Variants in BRWD1 observed in about 807,000 individuals in gnomAD.
The protein encoded by BRWD1 is bromodomain and WD repeat-containing protein 1.
Under a neutral mutation model 251.2 loss-of-function variants are expected in BRWD1, and 82 were observed. The observed-to-expected ratio is 0.33, with a 90% CI of 0.27 to 0.39. BRWD1 has a LOEUF of 0.39. BRWD1 is among the 10% of genes least tolerant of loss of function. The pLI is 1.00. For synonymous variants in BRWD1, 918 were observed against 902.8 expected (o/e 1.02, Z -0.30); for missense variants, 2,233 against 2,711.6 (o/e 0.82, Z 3.92).
Position 39,221,047 on chromosome 21 carries a change from A to T in BRWD1, c.3383-2387T>A, listed in dbSNP as rs187730068. ...GCACACACCTGTAGTCCCAGCTACT[A>T]AACAGGCTGAGGCAAGAGAATCACT... On this transcript the variant is annotated intron_variant, in intron 29 of 40. Transcript: ENST00000342449. Among the ~76,000 whole-genome samples the T allele has an allele frequency of 2.1e-3, 321 of 151,830 alleles. 2 individuals carry two copies. The highest frequency in any genetic ancestry group is 7.4e-3 in the African/African-American group (306 of 41,424).
chr21:39,238,402 TGA>T, intron 22 of BRWD1, 75 bp downstream of exon 22: 1 of 1,227,734 alleles, frequency 8.1e-7, no homozygotes, highest in South Asian at 1.3e-5. Context: ...TCTTGCCTCT[TGA>T]ATAAAATTCA....
At position 39,189,351 on chromosome 21, in the gene BRWD1, A is replaced by C; in HGVS notation, c.*6908T>G. 1 of 985,244 alleles carries C rather than the reference A, an allele frequency of 1.0e-6. No individual in the cohort carries two copies. Among genetic ancestry groups the C allele is most frequent in the Non-Finnish European group, 1.2e-6 (1 of 829,738 alleles). The allele number at this position is 985,244 out of a possible 1,614,324, so 61.0% of individuals were successfully genotyped here. On this transcript the variant is annotated 3_prime_UTR_variant, in exon 41 of 41. Transcript: ENST00000342449. The stretch of plus-strand genomic sequence containing the variant: ...TTTGTAACAAAATGCTTTAAGTTGC[A>C]GAAATTCCATTTTGATGTGTGATCA...
intron 8 of BRWD1, among the ~76,000 whole-genome samples, chr21:39,290,575 T>C (rs148709342): frequency 6.6e-6 from 1 of 152,162 alleles, no homozygotes; most frequent in African/African-American, 2.4e-5. Flanking sequence ...GAGCCCCCGT[T>C]ACAAGAAGAA....
chr21:39,247,306 G>A (rs781140742), intron 21 of BRWD1, among the ~76,000 whole-genome samples: 4 of 152,190 alleles, frequency 2.6e-5, no homozygotes, highest in Non-Finnish European at 5.9e-5. Flanking sequence ...TATCCAGAAC[G>A]CTGGGGAATA....
chr21:39,287,146 T>A (rs1169786900), intron 8 of BRWD1, among the ~76,000 whole-genome samples: 2 of 152,214 alleles, frequency 1.3e-5, no homozygotes, highest in African/African-American at 4.8e-5. Context: ...TTACTATTGA[T>A]AAAACATTAT....
chr21:39,187,959 G>C lies in BRWD1; in HGVS notation c.*8300C>G. The C allele has an allele frequency of 1.0e-6, 1 of 985,188 alleles. No homozygotes were observed. The highest frequency in any genetic ancestry group is 1.2e-6 in the Non-Finnish European group (1 of 829,778). The allele number at this position is 985,188 out of a possible 1,614,324, so 61.0% of individuals were successfully genotyped here. A position where few individuals can be genotyped will look rare whatever the true frequency, so the allele number is the denominator to read the frequency against. On this transcript the variant is annotated 3_prime_UTR_variant, in exon 41 of 41. Coordinates refer to ENST00000342449, the MANE Select transcript of BRWD1 (RefSeq NM_033656.4). ...GTGAAAATTGTGAAGGGATTTGCCA[G>C]ACAAAAAGCACTTTGGAGAGTTAAC...
intron 13 of BRWD1, 35 bp from the exon 14 acceptor site, chr21:39,270,468 A>G (rs2035063492): frequency 2.0e-6 from 3 of 1,535,862 alleles, no homozygotes; most frequent in East Asian, 2.3e-5. Context: ...AAACTTATTT[A>G]GATGGCTGGC....
At chr21:39,251,027 C>T in intron 19 of BRWD1, 138 bp from the exon 20 acceptor site, 1 of 583,262 alleles carries the variant, frequency 1.7e-6, no homozygotes. Flanking sequence ...GAAGTTAAAA[C>T]ATGTTAAAAA....
chr21:39,248,861 G>T (rs1304257380), intron 20 of BRWD1, among the ~76,000 whole-genome samples: 3 of 151,982 alleles, frequency 2.0e-5, no homozygotes, highest in Non-Finnish European at 4.4e-5. Flanking sequence ...CCATTACTGG[G>T]TATATACCCA....
chr21:39,307,117 G>T (rs2036311999), intron 4 of BRWD1, among the ~76,000 whole-genome samples: 1 of 152,240 alleles, frequency 6.6e-6, no homozygotes, highest in Non-Finnish European at 1.5e-5. Flanking sequence ...GCCTCCTAAA[G>T]TGCTGGGATG....
chr21:39,276,441 GA>G (rs1380842953), intron 11 of BRWD1, among the ~76,000 whole-genome samples: 3 of 151,796 alleles, frequency 2.0e-5, no homozygotes, highest in African/African-American at 7.3e-5. Context: ...CATCTAACAG[GA>G]AAAAAAGCCT....
intron 27 of BRWD1, among the ~76,000 whole-genome samples, chr21:39,226,752 G>A (rs925725291): frequency 9.9e-5 from 15 of 152,130 alleles, no homozygotes; most frequent in Non-Finnish European, 1.6e-4. Flanking sequence ...GGAGCCACAC[G>A]CCCTGACAAT....
intron 29 of BRWD1, among the ~76,000 whole-genome samples, chr21:39,223,217 TAAG>T (rs745972580): frequency 6.6e-6 from 1 of 152,190 alleles, no homozygotes; most frequent in Non-Finnish European, 1.5e-5. Flanking sequence ...GCTAGCTGTA[TAAG>T]AAGGGAAATA....
chr21:39,294,177 T>C (rs1181449961), intron 7 of BRWD1, 145 bp from the exon 8 acceptor site: 5 of 686,618 alleles, frequency 7.3e-6, no homozygotes, highest in African/African-American at 7.2e-5. Context: ...ATTATGACTA[T>C]GGTCAGAACA....
At chr21:39,316,697 G>A (rs2036702309), upstream of BRWD1, among the ~76,000 whole-genome samples, 1 of 152,232 alleles carries the variant, frequency 6.6e-6, no homozygotes, top group African/African-American at 2.4e-5. Flanking sequence ...CCAGCGCTTT[G>A]GGAGGCCAAG....
At chr21:39,207,059 T>C (rs1007754782) in intron 36 of BRWD1, among the ~76,000 whole-genome samples, 1 of 152,204 alleles carries the variant, frequency 6.6e-6, no homozygotes, top group Non-Finnish European at 1.5e-5. Flanking sequence ...TATACATATA[T>C]ATATGCTCAC....
In BRWD1 at chr21:39,188,278, T is replaced by TA; in HGVS notation, c.*7980dup. On this transcript the variant is annotated 3_prime_UTR_variant, in exon 41 of 41. Coordinates refer to ENST00000342449, the MANE Select transcript of BRWD1 (RefSeq NM_033656.4). Reference sequence around the variant, plus strand: ...AAACTATCTAAAACTGCCTTCATGGTACACACCAATCTTGATGGCAGTTTG... The same window carrying TA: ...AAACTATCTAAAACTGCCTTCATGGTAACACACCAATCTTGATGGCAGTTTG... The TA allele has an allele frequency of 1.0e-6, 1 of 985,414 alleles. No homozygotes were observed. The highest frequency in any genetic ancestry group is 1.2e-6 in the Non-Finnish European group (1 of 829,916). 61.0% of individuals were successfully genotyped at this position (985,414 alleles called of 1,614,324 possible).
chr21:39,194,737 G>C lies in BRWD1; in HGVS notation c.*1522C>G. Reference sequence around the variant, plus strand: ...TGTCTGCCACTTCAAAGATACACAGGAGAAAAGGTTTTGTCTGAAACCAAA... The same window carrying C: ...TGTCTGCCACTTCAAAGATACACAGCAGAAAAGGTTTTGTCTGAAACCAAA... On this transcript the variant is annotated 3_prime_UTR_variant, in exon 41 of 41. Transcript: ENST00000342449. 1 of 1,535,242 alleles carries C rather than the reference G, an allele frequency of 6.5e-7. No homozygotes were observed. Among genetic ancestry groups the C allele is most frequent in the Non-Finnish European group, 8.7e-7 (1 of 1,146,048 alleles).
intron 10 of BRWD1, among the ~76,000 whole-genome samples, chr21:39,278,108 C>T (rs1448607515): frequency 1.3e-5 from 2 of 152,064 alleles, no homozygotes; most frequent in East Asian, 3.8e-4. Context: ...CTCGGCCTCC[C>T]AAAGGACTGG....
Sources: gnomAD v4.1 joint callset for allele counts (sites outside exome capture counted in the v4.1 genomes callset) on GRCh38, gnomAD v4.1.1 for gene constraint, MANE v1.5 for transcripts, NCBI Gene and HGNC (gene_info 2026-07-23, HGNC 2026-07-21) for gene names.